The following ZNF461 variants were observed in gnomAD, a reference collection of about 807,000 sequenced individuals.
The protein encoded by ZNF461 is gonadotropin-inducible ovarian transcription factor-1.
A neutral mutation model predicts 18.3 loss-of-function variants in ZNF461; 16 were observed. The observed-to-expected ratio is 0.88, with a 90% CI of 0.59 to 1.33. The LOEUF (loss-of-function observed/expected upper bound fraction) is 1.33, where lower values mean the gene tolerates loss of function less well. ZNF461 is among the 40% of genes most tolerant of loss of function. ZNF461 has a pLI of 0.00. For missense variants in ZNF461, 595 were observed against 669.9 expected (o/e 0.89, Z 1.23); for synonymous variants, 179 against 216.9 (o/e 0.83, Z 1.54).
At chr19:36,655,996 CTTTT>C (rs781044041) in intron 4 of ZNF461, among the ~76,000 whole-genome samples, 2 of 130,480 alleles carry the variant, frequency 1.5e-5, no homozygotes, top group Admixed American at 8.0e-5. Flanking sequence ...TTTAGAATAT[CTTTT>C]TTTTTTTTTT....
chr19:36,639,182 C>G lies in ZNF461; in HGVS notation c.1163G>C (p.Arg388Pro). ...IHTGEKPYEC[R>P]ECGKAFSYHS... is the part of the protein sequence containing the mutation. ...ATAGCTAAAGGCCTTCCCACATTCC[C>G]GACATTCATAGGGTTTCTCACCAGT... Residue 388 changes from arginine (R) to proline (P), a missense_variant, in exon 6 of 6, where the codon CGG becomes CCG. Physicochemically the swap from Arg to Pro is moderately radical, Grantham distance 103. Transcript: ENST00000588268. The G allele has an allele frequency of 6.3e-7, 1 of 1,597,554 alleles. No homozygotes were observed. Among genetic ancestry groups the G allele is most frequent in the Non-Finnish European group, 8.5e-7 (1 of 1,173,852 alleles).
Position 36,639,393 on chromosome 19 carries a change from G to T in ZNF461, c.952C>A (p.Gln318Lys). Residue 318 changes from glutamine (Q) to lysine (K), a missense_variant, in exon 6 of 6, where the codon CAA (glutamine) becomes AAA (lysine). Transcript: ENST00000588268. ...KAFRQRSQLT[Q>K]HQRLHTGEKP... ...TCACCAGTATGAAGTCTCTGATGTT[G>T]AGTAAGCTGTGATCGCTGTCTAAAG... 1 of 1,613,702 alleles carries T rather than the reference G, an allele frequency of 6.2e-7. No individual in the cohort carries two copies. Among genetic ancestry groups the T allele is most frequent in the Non-Finnish European group, 8.5e-7 (1 of 1,179,924 alleles).
chr19:36,641,815 A>G (rs879741715), intron 5 of ZNF461, among the ~76,000 whole-genome samples: 2 of 152,110 alleles, frequency 1.3e-5, no homozygotes, highest in Non-Finnish European at 2.9e-5. Context: ...CTGATTTTAT[A>G]TATAAACACA....
At chr19:36,653,120 C>T (rs2037657692) in intron 4 of ZNF461, among the ~76,000 whole-genome samples, 1 of 152,188 alleles carries the variant, frequency 6.6e-6, no homozygotes, top group South Asian at 2.1e-4. Context: ...AACTGGATCA[C>T]ACATACATTG....
intron 3 of ZNF461, 83 bp downstream of exon 3, chr19:36,658,216 G>T: frequency 1.4e-6 from 2 of 1,427,834 alleles, no homozygotes; most frequent in Middle Eastern, 1.9e-4. Flanking sequence ...TAATAGGGGG[G>T]AAAGCAGAAA....
chr19:36,661,776 G>A (rs2037822701), intron 2 of ZNF461, among the ~76,000 whole-genome samples: 1 of 152,102 alleles, frequency 6.6e-6, no homozygotes, highest in South Asian at 2.1e-4. Context: ...CAGATCACAG[G>A]AAGGAAGGAA....
chr19:36,656,985 A>G (rs2037733763), intron 3 of ZNF461, among the ~76,000 whole-genome samples: 2 of 151,574 alleles, frequency 1.3e-5, no homozygotes, highest in African/African-American at 4.9e-5. Flanking sequence ...CTGCCTGGCT[A>G]ATTTTTGTAT....
intron 4 of ZNF461, among the ~76,000 whole-genome samples, chr19:36,648,135 C>T (rs903231179): frequency 6.6e-6 from 1 of 151,954 alleles, no homozygotes; most frequent in Non-Finnish European, 1.5e-5. Context: ...GCTGAGATTG[C>T]ACCATTGCTT....
chr19:36,655,461 T>G (rs1243994368), intron 4 of ZNF461, among the ~76,000 whole-genome samples: 3 of 152,136 alleles, frequency 2.0e-5, no homozygotes, highest in Non-Finnish European at 2.9e-5. Flanking sequence ...TAGCCATGCA[T>G]GGTGGCATGG....
intron 4 of ZNF461, among the ~76,000 whole-genome samples, chr19:36,649,945 G>A (rs2037597463): frequency 6.6e-6 from 1 of 152,124 alleles, no homozygotes; most frequent in African/African-American, 2.4e-5. Flanking sequence ...GGGAGGCCAA[G>A]GTGGGTGGAT....
intron 4 of ZNF461, among the ~76,000 whole-genome samples, chr19:36,644,972 A>C (rs1389255489): frequency 1.3e-5 from 2 of 152,098 alleles, no homozygotes; most frequent in East Asian, 3.9e-4. Flanking sequence ...TAATCCCAGC[A>C]CTTTGGGAGG....
rs1202817962 is a variant in ZNF461, at chr19:36,662,471, G to A, written c.9+2227C>T. Among the ~76,000 whole-genome samples, 9 of 149,554 alleles carry A rather than the reference G, an allele frequency of 6.0e-5. No individual in the cohort carries two copies. In the Admixed American group the frequency reaches 6.0e-4, roughly 10 times the overall value. On this transcript the variant is annotated intron_variant, in intron 2 of 5. Coordinates refer to ENST00000588268, the MANE Select transcript of ZNF461 (RefSeq NM_153257.5). ...GGGGATTCACCATGTTGACCAGGAT[G>A]GTCTCCATCTCCTGACCTCGTGATC... is the stretch of plus-strand genomic sequence containing the variant.
chr19:36,657,355 C>T lies in ZNF461; in HGVS notation c.137-812G>A, dbSNP rs143910171. Among the ~76,000 whole-genome samples, 1,516 of 151,958 alleles carry T rather than the reference C, an allele frequency of 1.0e-2. 31 individuals carry two copies. The highest frequency in any genetic ancestry group is 0.035 in the African/African-American group (1,430 of 41,442). ...AATTAGCTGGGCGTGGTGGCGGGCA[C>T]CTGTAATCCCAGCTACTCAGGAGGC... On this transcript the variant is annotated intron_variant, in intron 3 of 5. Transcript: ENST00000588268.
chr19:36,655,996 C>CTTTT (rs781044041), intron 4 of ZNF461, among the ~76,000 whole-genome samples: 7 of 130,484 alleles, frequency 5.4e-5, no homozygotes, highest in Middle Eastern at 3.9e-3. Flanking sequence ...TTTAGAATAT[C>CTTTT]TTTTTTTTTT....
rs112188599 is a variant in ZNF461 at position 36,637,804 on chromosome 19, G to A, written c.*849C>T. ...TATGAAATTTACATGAAATATTCCC[G>A]TTAGAATAAAAGGAAACTGATAGCA... On this transcript the variant is annotated 3_prime_UTR_variant, in exon 6 of 6. Coordinates refer to ENST00000588268, the MANE Select transcript of ZNF461 (RefSeq NM_153257.5). The A allele has an allele frequency of 1.5e-3, 660 of 430,496 alleles. 2 individuals are homozygous for A. The highest frequency in any genetic ancestry group is 0.013 in the African/African-American group (614 of 49,016). 26.7% of individuals were successfully genotyped at this position (430,496 alleles called of 1,614,324 possible). A position where few individuals can be genotyped will look rare whatever the true frequency, so the allele number is the denominator to read the frequency against.
intron 2 of ZNF461, among the ~76,000 whole-genome samples, chr19:36,659,103 G>C (rs2037774878): frequency 6.6e-6 from 1 of 152,146 alleles, no homozygotes; most frequent in African/African-American, 2.4e-5. Flanking sequence ...TGTTCCTTCT[G>C]GAAACCCAGC....
intron 4 of ZNF461, among the ~76,000 whole-genome samples, chr19:36,645,632 T>C (rs2145377780): frequency 1.3e-5 from 2 of 152,260 alleles, no homozygotes; most frequent in Middle Eastern, 3.4e-3. Context: ...TCACCTTACA[T>C]AGTTAACTGT....
chr19:36,652,173 C>A (rs766679051), intron 4 of ZNF461, among the ~76,000 whole-genome samples: 2 of 152,046 alleles, frequency 1.3e-5, no homozygotes, highest in African/African-American at 4.8e-5. Flanking sequence ...AAATGAACCA[C>A]GAACTTAAAT....
intron 5 of ZNF461, among the ~76,000 whole-genome samples, chr19:36,641,301 C>T (rs2037418132): frequency 6.6e-6 from 1 of 152,056 alleles, no homozygotes; most frequent in Non-Finnish European, 1.5e-5. Flanking sequence ...GGGTAGATCA[C>T]TTGAGGTCAG....
Sources: allele counts gnomAD v4.1 joint callset (sites outside exome capture counted in the v4.1 genomes callset), GRCh38; gene constraint gnomAD v4.1.1; transcripts MANE v1.5; gene names NCBI Gene and HGNC (gene_info 2026-07-23, HGNC 2026-07-21).